ADGRA1: variants seen among roughly 807,000 people sequenced by gnomAD.
ADGRA1 encodes G-protein coupled receptor 123.
ADGRA1 carries 12 observed loss-of-function variants against 21.3 expected under a neutral mutation model. The observed-to-expected ratio is 0.56, with a 90% CI of 0.36 to 0.91. The LOEUF is 0.91. Among genes scored for constraint, ADGRA1 ranks in the 40% least tolerant of loss-of-function variants. The pLI, the probability that ADGRA1 is intolerant of heterozygous loss-of-function variation, is 0.01. For missense variants in ADGRA1, 790 were observed against 805.6 expected, an observed-to-expected ratio of 0.98 and a Z score of 0.23; for synonymous variants, 385 against 368.8, an observed-to-expected ratio of 1.04 and a Z score of -0.50.
intron 2 of ADGRA1, 51 bp downstream of exon 2, chr10:133,088,963 G>T: frequency 3.2e-6 from 4 of 1,236,056 alleles, no homozygotes; most frequent in Non-Finnish European, 4.0e-6. Context: ...GGCCGCTGCG[G>T]GGGGGCGGCC....
chr10:133,094,542 G>A (rs990522078), intron 2 of ADGRA1, among the ~76,000 whole-genome samples: 2 of 152,190 alleles, frequency 1.3e-5, no homozygotes, highest in Admixed American at 6.5e-5. Context: ...GGACGCGTGA[G>A]GGCCCGGGGC....
chr10:133,088,228 G>T, intron 1 of ADGRA1, 90 bp downstream of exon 1: 3 of 494,952 alleles, frequency 6.1e-6, no homozygotes, highest in Non-Finnish European at 7.9e-6. Context: ...GACACTGGCC[G>T]CGAGGAAAGC....
intron 2 of ADGRA1, chr10:133,095,527 G>A (rs1851670120): frequency 8.3e-7 from 1 of 1,205,028 alleles, no homozygotes; most frequent in Non-Finnish European, 1.1e-6. Flanking sequence ...CCCTCGCACA[G>A]GTCCAGGCTC....
At position 133,128,908 on chromosome 10, in the gene ADGRA1, C is replaced by T. The variant is rs764533518; in HGVS notation, c.1080C>T (p.Gly360=). ...CACGGGGCTTCGCGCACCCACCGGGCCCCTGCAAGATGACCAACCTGCAGG... is the reference window on the plus strand; with the variant it reads ...CACGGGGCTTCGCGCACCCACCGGGTCCCTGCAAGATGACCAACCTGCAGG... ...GQPRGFAHPP[G]PCKMTNLQAA... The change falls in exon 7 of 7, where the codon GGC becomes GGT. Residue 360 remains glycine (G), a synonymous_variant. Transcript: ENST00000392607. 32 of 1,557,250 alleles carry T rather than the reference C, an allele frequency of 2.1e-5. No individual in the cohort carries two copies. The highest frequency in any genetic ancestry group is 2.4e-5 in the Non-Finnish European group (28 of 1,154,576).
In ADGRA1 at chr10:133,088,866, G is replaced by T. The variant is rs1227796048; in HGVS notation, c.-44G>T. 3 of 1,237,758 alleles carry T rather than the reference G, an allele frequency of 2.4e-6. No homozygotes were observed. The highest frequency in any genetic ancestry group is 1.6e-5 in the African/African-American group (1 of 64,512). The allele number at this position is 1,237,758 out of a possible 1,614,324, so 76.7% of individuals were successfully genotyped here. ...GCCACCTGATCGCCTCCCCCTGGAC[G>T]CCTCCTCCAGCGGCGCTCACGCTTC... On this transcript the variant is annotated 5_prime_UTR_variant, in exon 2 of 7. Coordinates refer to ENST00000392607, the MANE Select transcript of ADGRA1 (RefSeq NM_001083909.3).
At chr10:133,102,939 G>C in intron 5 of ADGRA1, 97 bp downstream of exon 5, 2 of 1,327,942 alleles carry the variant, frequency 1.5e-6, no homozygotes, top group Non-Finnish European at 2.1e-6. Context: ...AGGCCACCAG[G>C]GGCCTGAGGA....
chr10:133,110,628 C>T (rs560146907), intron 5 of ADGRA1, among the ~76,000 whole-genome samples: 3 of 152,148 alleles, frequency 2.0e-5, no homozygotes, highest in South Asian at 2.1e-4. Flanking sequence ...GAGAGAGAGT[C>T]GGTAAGAAAT....
chr10:133,121,973 GTGTA>G (rs72238030), intron 5 of ADGRA1, among the ~76,000 whole-genome samples: 29,325 of 151,576 alleles, frequency 0.19, 3,630 homozygotes, highest in East Asian at 0.55. Context: ...GCATGCCTGT[GTGTA>G]TGTGTGTGCC....
At chr10:133,120,772 G>A (rs371758308) in intron 5 of ADGRA1, among the ~76,000 whole-genome samples, 7 of 152,334 alleles carry the variant, frequency 4.6e-5, no homozygotes, top group African/African-American at 1.7e-4. Flanking sequence ...CGTTGCTGGA[G>A]GAGCACTTTT....
At chr10:133,124,845 C>G (rs1024112086) in intron 5 of ADGRA1, among the ~76,000 whole-genome samples, 3 of 152,182 alleles carry the variant, frequency 2.0e-5, no homozygotes, top group African/African-American at 4.8e-5. Flanking sequence ...GCCCCGGCCC[C>G]GGCCCCGGCC....
At chr10:133,108,165 G>A (rs984239646) in intron 5 of ADGRA1, among the ~76,000 whole-genome samples, 1 of 152,274 alleles carries the variant, frequency 6.6e-6, no homozygotes, top group Non-Finnish European at 1.5e-5. Flanking sequence ...ACCTGGGAGT[G>A]TGCAGGACCT....
chr10:133,121,061 G>A (rs1564852832), intron 5 of ADGRA1, among the ~76,000 whole-genome samples: 1 of 152,178 alleles, frequency 6.6e-6, no homozygotes. Context: ...GATCACACGG[G>A]ACATTTACCC....
At chr10:133,111,309 A>C (rs1404249238) in intron 5 of ADGRA1, among the ~76,000 whole-genome samples, 4 of 5,518 alleles carry the variant, frequency 7.2e-4, no homozygotes, top group Non-Finnish European at 1.6e-3. Flanking sequence ...CCCGGGAACC[A>C]TCCCTCCTAA....
At position 133,127,903 on chromosome 10, in the gene ADGRA1, C is replaced by T. The variant is rs1447191776; in HGVS notation, c.501-426C>T. 2.3e-4 allele frequency among the ~76,000 whole-genome samples: 29 copies of T among 123,930 alleles called. 3 individuals are homozygous for T. In the South Asian group the frequency reaches 8.5e-3, roughly 36 times the overall value. The allele number at this position is 123,930 out of a possible 152,430, so 81.3% of individuals were successfully genotyped here. Reference sequence around the variant, plus strand: ...CCTGGCCCCGCCCACCCCACGCTGGCCACGCCCACCAGGCTCCACCCTCTG... The same window carrying T: ...CCTGGCCCCGCCCACCCCACGCTGGTCACGCCCACCAGGCTCCACCCTCTG... On this transcript the variant is annotated intron_variant, in intron 6 of 6. Coordinates refer to ENST00000392607, the MANE Select transcript of ADGRA1 (RefSeq NM_001083909.3).
intron 2 of ADGRA1, among the ~76,000 whole-genome samples, chr10:133,095,453 T>C (rs1198269430): frequency 6.6e-6 from 1 of 152,162 alleles, no homozygotes; most frequent in African/African-American, 2.4e-5. Context: ...GAAAGCAAAG[T>C]GTCTGCTGTC....
intron 5 of ADGRA1, among the ~76,000 whole-genome samples, chr10:133,116,365 C>G (rs1393599107): frequency 6.6e-6 from 1 of 152,114 alleles, no homozygotes; most frequent in Admixed American, 6.5e-5. Context: ...CACTGTCCCT[C>G]AATCCCAAAG....
Position 133,112,890 on chromosome 10 carries a change from G to A in ADGRA1, c.401+10048G>A, listed in dbSNP as rs557963168. ...GTCGGTTATTTGGGGTCTGCGGGCC[G>A]CGTCAGTTCGGTTATTTGGGGTCTG... On this transcript the variant is annotated intron_variant, in intron 5 of 6. Transcript: ENST00000392607. Among the ~76,000 whole-genome samples, 85 of 146,216 alleles carry A rather than the reference G, an allele frequency of 5.8e-4. 2 individuals are homozygous for A. The highest frequency in any genetic ancestry group is 1.8e-3 in the African/African-American group (72 of 39,028).
At chr10:133,109,741 A>C (rs1851953520) in intron 5 of ADGRA1, among the ~76,000 whole-genome samples, 1 of 152,206 alleles carries the variant, frequency 6.6e-6, no homozygotes, top group Admixed American at 6.5e-5. Context: ...CCTCCTGATT[A>C]AATGTTGAAA....
At chr10:133,121,450 C>T (rs1997979) in intron 5 of ADGRA1, among the ~76,000 whole-genome samples, 74,502 of 138,194 alleles carry the variant, frequency 0.54, 19,748 homozygotes, top group African/African-American at 0.71. Context: ...TGTGCGTGTG[C>T]GTGGAGTGTG....
Sources: allele counts gnomAD v4.1 joint callset (sites outside exome capture counted in the v4.1 genomes callset), GRCh38; gene constraint gnomAD v4.1.1; transcripts MANE v1.5; gene names NCBI Gene and HGNC (gene_info 2026-07-23, HGNC 2026-07-21).